The following TRAF6 variants were observed in gnomAD, a reference collection of about 807,000 sequenced individuals.
The protein encoded by TRAF6 is TNF receptor associated factor 6, also known as TNF receptor-associated factor 6.
Under a neutral mutation model 48.4 loss-of-function variants are expected in TRAF6, and 10 were observed. The ratio of observed to expected loss-of-function variants is 0.21; its 90% CI spans 0.13 to 0.35. The LOEUF is 0.35. Among genes scored for constraint, TRAF6 ranks in the 10% least tolerant of loss-of-function variants. The pLI is 1.00. For synonymous variants in TRAF6, 186 were observed against 219.6 expected, an observed-to-expected ratio of 0.85 and a Z score of 1.35; for missense variants, 397 against 661.0, an observed-to-expected ratio of 0.60 and a Z score of 4.38.
At chr11:36,503,265 G>A (rs1859740901) in intron 1 of TRAF6, among the ~76,000 whole-genome samples, 1 of 151,560 alleles carries the variant, frequency 6.6e-6, no homozygotes, top group Non-Finnish European at 1.5e-5. Flanking sequence ...CAAAGAATCT[G>A]CAAAGAAACT....
rs373662589 is a variant in TRAF6 at position 36,488,575 on chromosome 11, C to T, written c.*1263G>A. The T allele has an allele frequency of 2.0e-5, 3 of 152,226 alleles. No homozygotes were observed. Among genetic ancestry groups the T allele is most frequent in the Non-Finnish European group, 2.9e-5 (2 of 68,008 alleles). 9.4% of individuals were successfully genotyped at this position (152,226 alleles called of 1,614,324 possible). On this transcript the variant is annotated 3_prime_UTR_variant, in exon 7 of 7. Coordinates refer to ENST00000526995, the MANE Select transcript of TRAF6 (RefSeq NM_004620.4). The stretch of plus-strand genomic sequence containing the variant: ...GGGTCTCCCTGAGAACTAGATTCCA[C>T]GATATTTTATATCTATATATAGGCC...
intron 1 of TRAF6, among the ~76,000 whole-genome samples, chr11:36,503,521 G>A (rs1353836460): frequency 6.6e-6 from 1 of 152,104 alleles, no homozygotes; most frequent in Non-Finnish European, 1.5e-5. Context: ...CACCTCAAAC[G>A]ATCCACCTGC....
In TRAF6 at chr11:36,487,915, T is replaced by A. The variant is rs1428858060; in HGVS notation, c.*1923A>T. 1.3e-5 allele frequency: 2 copies of A among 152,184 alleles called. No homozygotes were observed. The highest frequency in any genetic ancestry group is 2.9e-5 in the Non-Finnish European group (2 of 68,034). The allele number at this position is 152,184 out of a possible 1,614,324, so 9.4% of individuals were successfully genotyped here. Reference sequence around the variant, plus strand: ...GGCAACATTTAATTTTTTTCTCCGATAAAAGTACACATTTATTGTAGAAAA... The same window carrying A: ...GGCAACATTTAATTTTTTTCTCCGAAAAAAGTACACATTTATTGTAGAAAA... On this transcript the variant is annotated 3_prime_UTR_variant, in exon 7 of 7. Coordinates refer to ENST00000526995, the MANE Select transcript of TRAF6 (RefSeq NM_004620.4).
rs950811873 is a variant in TRAF6, at chr11:36,497,233, C to T, written c.481G>A (p.Asp161Asn). The T allele has an allele frequency of 2.5e-6, 4 of 1,612,512 alleles. No individual in the cohort carries two copies. The African/African-American group carries it at 5.4e-5, about 22-fold the overall frequency. ...HQAHCEFALM[D>N]CPQCQRPFQK... Reference sequence around the variant, plus strand: ...AAGGGACGCTGGCATTGGGGACAATCCATAAGAGCAAACTCACAATGTGCT... The same window carrying T: ...AAGGGACGCTGGCATTGGGGACAATTCATAAGAGCAAACTCACAATGTGCT... The change falls in exon 4 of 7, where the codon GAT (aspartate) becomes AAT (asparagine). Residue 161 changes from aspartate to asparagine, a missense_variant. By Grantham distance (23) the Asp-to-Asn change is conservative. Transcript: ENST00000526995.
intron 4 of TRAF6, among the ~76,000 whole-genome samples, chr11:36,496,901 A>G (rs530362608): frequency 1.4e-4 from 21 of 152,322 alleles, no homozygotes; most frequent in African/African-American, 5.1e-4. Flanking sequence ...ATGTTTTTTT[A>G]AGAAAGACAT....
intron 1 of TRAF6, among the ~76,000 whole-genome samples, chr11:36,502,731 T>C (rs1859734034): frequency 6.6e-6 from 1 of 152,128 alleles, no homozygotes; most frequent in Non-Finnish European, 1.5e-5. Flanking sequence ...TAATAAGTGG[T>C]GATGAGCTCA....
chr11:36,486,170 G>A lies in TRAF6; in HGVS notation c.*3668C>T, dbSNP rs765828045. Among the ~76,000 whole-genome samples the A allele has an allele frequency of 6.6e-6, 1 of 152,098 alleles. No individual in the cohort carries two copies. The highest frequency in any genetic ancestry group is 1.5e-5 in the Non-Finnish European group (1 of 68,032). ...TTCCCGTGCCTCAGCCTCCCAAGAA[G>A]CTGGGATTACAGGCATGTATCATGA... On this transcript the variant is annotated 3_prime_UTR_variant, in exon 7 of 7. Transcript: ENST00000526995.
At position 36,487,474 on chromosome 11, in the gene TRAF6, TTTTAC is replaced by T. The variant is rs1859501967; in HGVS notation, c.*2359_*2363del. Reference sequence around the variant, plus strand: ...AAATGTTGGGGGTTAAAATTGCTCATTTTACTTAAGATGTGACCCAGCTGATAGAC... The same window carrying T: ...AAATGTTGGGGGTTAAAATTGCTCATTTAAGATGTGACCCAGCTGATAGAC... On this transcript the variant is annotated 3_prime_UTR_variant, in exon 7 of 7. Transcript: ENST00000526995. 1 of 152,222 alleles carries T rather than the reference TTTTAC, an allele frequency of 6.6e-6. No homozygotes were observed. The highest frequency in any genetic ancestry group is 2.1e-4 in the South Asian group (1 of 4,832). 9.4% of individuals were successfully genotyped at this position (152,222 alleles called of 1,614,324 possible).
chr11:36,501,564 C>T (rs751808346), intron 1 of TRAF6, 27 bp from the exon 2 acceptor site: 26 of 1,514,076 alleles, frequency 1.7e-5, no homozygotes, highest in Non-Finnish European at 2.2e-5. Context: ...AAAAAAATGC[C>T]TTTATAAGTA....
At chr11:36,505,476 G>A (rs1859772751) in intron 1 of TRAF6, among the ~76,000 whole-genome samples, 2 of 152,148 alleles carry the variant, frequency 1.3e-5, no homozygotes, top group Admixed American at 1.3e-4. Flanking sequence ...TTACAGAATT[G>A]AAGAGAATTA....
chr11:36,507,635 ACGCGCG>A lies in TRAF6; in HGVS notation c.-23+2407_-23+2412del, dbSNP rs1299775870. ...CGCGCGTGTATATATGTATACATAC[ACGCGCG>A]TGTATATATGTATACATACACACGC... is the stretch of plus-strand genomic sequence containing the variant. On this transcript the variant is annotated intron_variant, in intron 1 of 6. Coordinates refer to ENST00000526995, the MANE Select transcript of TRAF6 (RefSeq NM_004620.4). Among the ~76,000 whole-genome samples, 4 of 5,022 alleles carry A rather than the reference ACGCGCG, an allele frequency of 8.0e-4. 1 individual carries two copies. Among genetic ancestry groups the A allele is most frequent in the African/African-American group, 1.1e-3 (4 of 3,534 alleles). 3.3% of individuals were successfully genotyped at this position (5,022 alleles called of 152,430 possible).
At position 36,490,089 on chromosome 11, in the gene TRAF6, C is replaced by T; in HGVS notation, c.1318G>A (p.Ala440Thr). The change falls in exon 7 of 7, where the codon GCA (alanine) becomes ACA (threonine). Residue 440 changes from alanine (A) to threonine (T), a missense_variant. By Grantham distance (58) the Ala-to-Thr change is moderately conservative. This residue lies in a region of TRAF6 where 74 missense variants were observed against 198.9 expected (regional missense o/e 0.37). Transcript: ENST00000526995. The surrounding 1 kb of genome is among the most constrained non-coding windows in gnomAD (Gnocchi z 6.4). ...IRLTILDQSE[A>T]PVRQNHEEIM... ...TCTTCGTGGTTTTGCCTTACAGGTG[C>T]TTCAGACTGATCAAGAATTGTAAGG... is the stretch of plus-strand genomic sequence containing the variant. 1 of 1,614,224 alleles carries T rather than the reference C, an allele frequency of 6.2e-7. No individual in the cohort carries two copies. The highest frequency in any genetic ancestry group is 8.5e-7 in the Non-Finnish European group (1 of 1,180,040).
chr11:36,495,790 G>T (rs924658604), intron 4 of TRAF6, among the ~76,000 whole-genome samples: 1 of 152,134 alleles, frequency 6.6e-6, no homozygotes, highest in Non-Finnish European at 1.5e-5. Flanking sequence ...TACTTGGGAG[G>T]CTGAGGCAGG....
chr11:36,492,818 A>G (rs1859582093), intron 5 of TRAF6, among the ~76,000 whole-genome samples, 190 bp from the exon 6 acceptor site: 1 of 152,240 alleles, frequency 6.6e-6, no homozygotes, highest in Admixed American at 6.5e-5. Context: ...GAAAGGAAAT[A>G]TCAACATCTC....
In TRAF6 at chr11:36,485,116, A is replaced by G. The variant is rs1161968614; in HGVS notation, c.*4722T>C. On this transcript the variant is annotated 3_prime_UTR_variant, in exon 7 of 7. Coordinates refer to ENST00000526995, the MANE Select transcript of TRAF6 (RefSeq NM_004620.4). ...CAAGTGATAAAGCAAATGTAACATA[A>G]TATTACTGCAGATTCTAGGTCGTAG... Among the ~76,000 whole-genome samples the G allele has an allele frequency of 1.3e-5, 2 of 152,118 alleles. No homozygotes were observed. The highest frequency in any genetic ancestry group is 2.4e-5 in the African/African-American group (1 of 41,366).
rs1229823522 is a variant in TRAF6 at position 36,490,242 on chromosome 11, G to A, written c.1165C>T (p.Leu389=). The A allele has an allele frequency of 1.9e-6, 3 of 1,614,232 alleles. No individual in the cohort carries two copies. In the East Asian group the frequency reaches 6.7e-5, roughly 36 times the overall value. Residue 389 remains leucine (L), a synonymous_variant, in exon 7 of 7, where the codon CTG becomes TTG. Transcript: ENST00000526995. This position sits in a 1 kb window ranked among gnomAD's most constrained non-coding sequence, Gnocchi z 6.4. ...AACTGAAGGTGCAAGCGCATGCACA[G>A]TTTGTACCCGGGTTTGCCAGTGTAG... ...GFYTGKPGYK[L]CMRLHLQLPT... is the part of the protein sequence containing the mutation.
intron 5 of TRAF6, among the ~76,000 whole-genome samples, chr11:36,494,569 G>C (rs2133668465): frequency 6.6e-6 from 1 of 152,020 alleles, no homozygotes; most frequent in African/African-American, 2.4e-5. Context: ...TTATTTCGCT[G>C]TTCCCTCTTA....
Position 36,486,261 on chromosome 11 carries a change from A to G in TRAF6, c.*3577T>C, listed in dbSNP as rs1398139069. On this transcript the variant is annotated 3_prime_UTR_variant, in exon 7 of 7. Transcript: ENST00000526995. The stretch of plus-strand genomic sequence containing the variant: ...ACCATTTTGGCCAGGCTGGTCTCGA[A>G]CTCCTGGCTTCAAGTAATCCGCCAG... Among the ~76,000 whole-genome samples, 1 of 151,998 alleles carries G rather than the reference A, an allele frequency of 6.6e-6. No homozygotes were observed. Among genetic ancestry groups the G allele is most frequent in the Non-Finnish European group, 1.5e-5 (1 of 67,992 alleles).
In TRAF6 at chr11:36,497,076, AG is replaced by A; in HGVS notation, c.606+31del. On this transcript the variant is annotated intron_variant, in intron 4 of 6. Transcript: ENST00000526995. ...ATTTAAGAACAATATTTTAAGAAGT[AG>A]TGAATTTAACAAATCCAAGTTAGTA... The A allele has an allele frequency of 1.9e-6, 3 of 1,605,346 alleles. No homozygotes were observed. The East Asian group carries it at 6.7e-5, about 36-fold the overall frequency.
Sources: allele counts gnomAD v4.1 joint callset (sites outside exome capture counted in the v4.1 genomes callset), GRCh38; gene constraint gnomAD v4.1.1; regional missense constraint gnomAD v4.1.1; non-coding constraint Gnocchi (gnomAD v3.1); transcripts MANE v1.5; gene names NCBI Gene and HGNC (gene_info 2026-07-23, HGNC 2026-07-21).